The following DMD variants were observed in gnomAD, a reference collection of about 807,000 sequenced individuals.
The protein encoded by DMD is mutant dystrophin.
Under a neutral mutation model 330.1 loss-of-function variants are expected in DMD, and 63 were observed. The ratio of observed to expected loss-of-function variants is 0.19; its 90% CI spans 0.16 to 0.24. The LOEUF (loss-of-function observed/expected upper bound fraction) is 0.24, where lower values mean the gene tolerates loss of function less well. DMD is among the 10% of genes least tolerant of loss of function. The probability of loss-of-function intolerance (pLI) is 1.00; values close to 1 mark genes in which losing one functional copy is unlikely to be tolerated. For synonymous variants in DMD, 1,223 were observed against 959.8 expected (o/e 1.27, Z -5.07); for missense variants, 3,344 against 2,684.1 (o/e 1.25, Z -5.43).
At chrX:32,457,761 TG>T (rs1465386148) in intron 25 of DMD, among the ~76,000 whole-genome samples, 5 of 109,869 alleles carry the variant, frequency 4.6e-5, no homozygotes. Context: ...GAAAGAGATC[TG>T]GGGATCACTA....
intron 45 of DMD, among the ~76,000 whole-genome samples, chrX:31,962,270 A>T (rs1235059902): frequency 8.9e-6 from 1 of 111,834 alleles, no homozygotes; most frequent in Non-Finnish European, 1.9e-5. Context: ...AACCGTCATC[A>T]TCATACAAAG....
At chrX:32,289,151 C>A (rs1472436861) in intron 42 of DMD, among the ~76,000 whole-genome samples, 1 of 111,453 alleles carries the variant, frequency 9.0e-6, no homozygotes, top group Non-Finnish European at 1.9e-5. Context: ...TAAGCTTACT[C>A]AATGTTTTCT....
At chrX:31,149,888 C>T (rs1242089511) in intron 74 of DMD, among the ~76,000 whole-genome samples, 2 of 111,797 alleles carry the variant, frequency 1.8e-5, no homozygotes, top group East Asian at 5.6e-4. Context: ...TAGTGCATTT[C>T]TAATTTAATT....
intron 41 of DMD, among the ~76,000 whole-genome samples, chrX:32,323,419 T>C (rs2097631591): frequency 1.8e-5 from 2 of 111,850 alleles, no homozygotes; most frequent in Non-Finnish European, 3.8e-5. Flanking sequence ...TGTGGTCAAA[T>C]TTTATGAAGT....
chrX:31,910,739 A>G (rs758031932), intron 47 of DMD, among the ~76,000 whole-genome samples: 3 of 111,496 alleles, frequency 2.7e-5, no homozygotes, highest in African/African-American at 6.5e-5. Context: ...ATTAAGAGAG[A>G]AGGAAAAAAG....
intron 15 of DMD, among the ~76,000 whole-genome samples, chrX:32,570,575 T>C (rs906291241): frequency 8.9e-6 from 1 of 111,965 alleles, no homozygotes; most frequent in African/African-American, 3.2e-5. Flanking sequence ...GCAGTTATTT[T>C]TTCCAAGGAA....
intron 50 of DMD, among the ~76,000 whole-genome samples, chrX:31,808,385 A>AGAG (rs1043822306): frequency 4.5e-5 from 5 of 112,040 alleles, no homozygotes; most frequent in African/African-American, 1.6e-4. Flanking sequence ...CCTTGGAGTC[A>AGAG]GAGATCAAGA....
intron 1 of DMD, among the ~76,000 whole-genome samples, chrX:33,129,985 G>T (rs1434567404): frequency 8.9e-6 from 1 of 112,006 alleles, no homozygotes; most frequent in Non-Finnish European, 1.9e-5. Context: ...CTTTCAATCA[G>T]ATAGAAGCTT....
At chrX:32,047,956 C>A (rs1005698979) in intron 44 of DMD, among the ~76,000 whole-genome samples, 1 of 107,932 alleles carries the variant, frequency 9.3e-6, no homozygotes, top group Non-Finnish European at 1.9e-5. Context: ...TATATTAAAA[C>A]AGATACATTG....
intron 43 of DMD, among the ~76,000 whole-genome samples, chrX:32,249,286 C>A (rs961798174): frequency 1.8e-5 from 2 of 111,839 alleles, no homozygotes; most frequent in African/African-American, 6.5e-5. Context: ...GTTTTGTAAA[C>A]ATATAGCTTT....
chrX:32,307,970 T>C (rs2097546723), intron 42 of DMD, among the ~76,000 whole-genome samples: 1 of 110,844 alleles, frequency 9.0e-6, no homozygotes, highest in Admixed American at 9.6e-5. Flanking sequence ...ACTGTTAATA[T>C]TGGCTCTGAA....
chrX:31,714,949 A>G (rs1487495455), intron 52 of DMD, among the ~76,000 whole-genome samples: 10 of 111,448 alleles, frequency 9.0e-5, no homozygotes, highest in Non-Finnish European at 9.4e-5. Context: ...TAGTGATCAC[A>G]ACACATTCTG....
At chrX:32,587,463 G>C (rs1448056071) in intron 13 of DMD, among the ~76,000 whole-genome samples, 2 of 111,972 alleles carry the variant, frequency 1.8e-5, no homozygotes, top group Non-Finnish European at 3.8e-5. Context: ...TGTAGTATTT[G>C]ACTTCTTTAT....
intron 63 of DMD, among the ~76,000 whole-genome samples, chrX:31,230,872 C>G (rs929307222): frequency 1.8e-5 from 2 of 112,086 alleles, no homozygotes. Context: ...TACTTCTTAG[C>G]AACACTGTAA....
chrX:32,109,270 T>C (rs948256044), intron 44 of DMD, among the ~76,000 whole-genome samples: 1 of 110,942 alleles, frequency 9.0e-6, no homozygotes, highest in African/African-American at 3.3e-5. Flanking sequence ...AGAGACTCTA[T>C]GCGCCCAGAA....
At chrX:33,090,759 G>C (rs2095075106) in intron 1 of DMD, among the ~76,000 whole-genome samples, 2 of 110,613 alleles carry the variant, frequency 1.8e-5, no homozygotes, top group South Asian at 7.5e-4. Context: ...TGGTCACAAA[G>C]CTTTACTATT....
At chrX:32,322,026 C>G (rs1418059746) in intron 41 of DMD, among the ~76,000 whole-genome samples, 5 of 110,931 alleles carry the variant, frequency 4.5e-5, no homozygotes, top group Non-Finnish European at 9.4e-5. Context: ...GGGTTCTTTA[C>G]AGTCAACCAG....
At chrX:32,964,578 T>G (rs182396258) in intron 2 of DMD, among the ~76,000 whole-genome samples, 1,097 of 109,375 alleles carry the variant, frequency 0.01, 11 homozygotes, top group African/African-American at 0.035. Flanking sequence ...CGTGGTGGCG[T>G]GCGCCTGTAA....
intron 64 of DMD, among the ~76,000 whole-genome samples, chrX:31,214,117 G>A (rs1264201360): frequency 8.9e-6 from 1 of 112,311 alleles, no homozygotes; most frequent in East Asian, 2.8e-4. Context: ...TCTCTGGCCT[G>A]CAGGTGGAGT....
Sources: gnomAD v4.1 joint callset for allele counts (sites outside exome capture counted in the v4.1 genomes callset) on GRCh38, gnomAD v4.1.1 for gene constraint, MANE v1.5 for transcripts, NCBI Gene and HGNC (gene_info 2026-07-23, HGNC 2026-07-21) for gene names.